Variants in CCSER1 observed in about 807,000 individuals in gnomAD.
CCSER1 encodes the protein serine-rich coiled-coil domain-containing protein 1.
In CCSER1, 41 loss-of-function variants were observed where a neutral mutation model predicts 82.0. The observed-to-expected ratio is 0.50, with a 90% CI of 0.39 to 0.65. The LOEUF (loss-of-function observed/expected upper bound fraction) is 0.65. Ranked by LOEUF, CCSER1 falls within the 30% of genes least tolerant of loss-of-function variation. CCSER1 has a pLI of 0.00. For missense variants in CCSER1, 1,119 were observed against 1,064.2 expected (o/e 1.05, Z -0.72); for synonymous variants, 414 against 383.9 (o/e 1.08, Z -0.92).
intron 10 of CCSER1, among the ~76,000 whole-genome samples, chr4:91,441,675 C>G (rs967789877): frequency 6.6e-6 from 1 of 152,112 alleles, no homozygotes; most frequent in African/African-American, 2.4e-5. Flanking sequence ...AAGAGGAAGT[C>G]AAATTGTCCC....
intron 10 of CCSER1, among the ~76,000 whole-genome samples, chr4:91,502,557 C>T (rs1759265490): frequency 6.6e-6 from 1 of 152,078 alleles, no homozygotes; most frequent in African/African-American, 2.4e-5. Context: ...CATTACCACC[C>T]CCTGGTGGAG....
chr4:91,318,954 C>T (rs558259567), intron 10 of CCSER1: 34 of 154,720 alleles, frequency 2.2e-4, no homozygotes, highest in Middle Eastern at 2.1e-3. Context: ...GGTTCTGTCA[C>T]GCATGGTCTT....
intron 1 of CCSER1, among the ~76,000 whole-genome samples, chr4:90,296,100 G>A (rs906267743): frequency 5.9e-5 from 9 of 151,956 alleles, no homozygotes; most frequent in African/African-American, 2.2e-4. Context: ...CATTGCCACC[G>A]CTCAACAAAT....
At chr4:91,410,144 A>T (rs1752938577) in intron 10 of CCSER1, among the ~76,000 whole-genome samples, 1 of 152,166 alleles carries the variant, frequency 6.6e-6, no homozygotes, top group South Asian at 2.1e-4. Context: ...TATCAATATC[A>T]TGTCTATTTC....
At chr4:90,891,392 T>G (rs144372947) in intron 8 of CCSER1, among the ~76,000 whole-genome samples, 160 of 151,664 alleles carry the variant, frequency 1.1e-3, no homozygotes, top group African/African-American at 3.8e-3. Context: ...AAACAATGTT[T>G]TAAAAATACT....
chr4:90,784,611 A>G (rs959224490), intron 7 of CCSER1, among the ~76,000 whole-genome samples: 6 of 152,138 alleles, frequency 3.9e-5, no homozygotes, highest in Non-Finnish European at 2.9e-5. Flanking sequence ...CTACCTATCT[A>G]GTTTGTTATG....
intron 8 of CCSER1, among the ~76,000 whole-genome samples, chr4:90,864,843 A>G (rs62311158): frequency 0.15 from 23,526 of 152,066 alleles, 2,334 homozygotes; most frequent in Non-Finnish European, 0.22. Flanking sequence ...TGCTATGTCT[A>G]GCATTCTTGT....
At chr4:90,652,147 G>C (rs888110469) in intron 6 of CCSER1, among the ~76,000 whole-genome samples, 1 of 151,970 alleles carries the variant, frequency 6.6e-6, no homozygotes, top group African/African-American at 2.4e-5. Flanking sequence ...ATTTTTTCCT[G>C]TAGCAATTTA....
chr4:90,503,332 G>A (rs1176641815), intron 5 of CCSER1, among the ~76,000 whole-genome samples: 1 of 152,102 alleles, frequency 6.6e-6, no homozygotes, highest in Non-Finnish European at 1.5e-5. Flanking sequence ...ATTTCTTGTG[G>A]TCTTACTATA....
intron 10 of CCSER1, among the ~76,000 whole-genome samples, chr4:91,561,735 G>A (rs1035857783): frequency 6.6e-6 from 1 of 151,230 alleles, no homozygotes; most frequent in Non-Finnish European, 1.5e-5. Flanking sequence ...AATCAAAAAT[G>A]GATTTAAACT....
chr4:90,785,779 A>G (rs1754432669), intron 7 of CCSER1, among the ~76,000 whole-genome samples: 1 of 152,138 alleles, frequency 6.6e-6, no homozygotes, highest in African/African-American at 2.4e-5. Context: ...CATCTTTTTG[A>G]ACTGTGACTG....
At chr4:91,368,716 AC>A (rs1383036280) in intron 10 of CCSER1, among the ~76,000 whole-genome samples, 2 of 151,554 alleles carry the variant, frequency 1.3e-5, no homozygotes, top group Middle Eastern at 3.4e-3. Flanking sequence ...AATTTCATTT[AC>A]TTTAATCAGT....
intron 10 of CCSER1, among the ~76,000 whole-genome samples, chr4:91,487,962 A>G (rs1014765369): frequency 7.2e-5 from 11 of 152,080 alleles, no homozygotes; most frequent in Non-Finnish European, 1.3e-4. Context: ...GTTAAATTAT[A>G]TAAGACAAAA....
chr4:90,478,731 CTTT>C lies in CCSER1; in HGVS notation c.1724+10393_1724+10395del, dbSNP rs59376887. 2.1e-4 allele frequency among the ~76,000 whole-genome samples: 28 copies of C among 133,222 alleles called. No individual in the cohort carries two copies. The East Asian group carries it at 3.5e-3, about 17-fold the overall frequency. The allele number at this position is 133,222 out of a possible 152,430, so 87.4% of individuals were successfully genotyped here. On this transcript the variant is annotated intron_variant, in intron 5 of 10. Transcript: ENST00000509176. ...AGAATAAATTGTACTTTCTTTCTTT[CTTT>C]TTTTTTTTTTTTTTTATTTTTTTGG...
intron 10 of CCSER1, among the ~76,000 whole-genome samples, chr4:91,422,270 T>G (rs1015862863): frequency 1.3e-5 from 2 of 152,168 alleles, no homozygotes; most frequent in Non-Finnish European, 2.9e-5. Flanking sequence ...TGAATATCTT[T>G]GCTCCTCCCT....
intron 10 of CCSER1, among the ~76,000 whole-genome samples, chr4:91,371,183 G>A (rs1750018037): frequency 6.6e-6 from 1 of 152,036 alleles, no homozygotes; most frequent in Non-Finnish European, 1.5e-5. Flanking sequence ...ATTTTTTAAT[G>A]TGCAATAAAT....
chr4:90,474,375 G>A (rs1220155457), intron 5 of CCSER1, among the ~76,000 whole-genome samples: 3 of 152,130 alleles, frequency 2.0e-5, no homozygotes, highest in African/African-American at 4.8e-5. Flanking sequence ...AGGAAGGCTC[G>A]TGGGAGGAAA....
At chr4:90,988,354 A>T (rs868843775) in intron 9 of CCSER1, among the ~76,000 whole-genome samples, 23 of 137,440 alleles carry the variant, frequency 1.7e-4, no homozygotes, top group African/African-American at 5.8e-4. Context: ...AAAAAAAAAA[A>T]AAAAAAAAAG....
At chr4:91,505,869 G>A (rs547379043) in intron 10 of CCSER1, among the ~76,000 whole-genome samples, 1 of 152,168 alleles carries the variant, frequency 6.6e-6, no homozygotes, top group South Asian at 2.1e-4. Context: ...ATTGCAGAAA[G>A]TTTCTCCCAT....
Sources: gnomAD v4.1 joint callset for allele counts (sites outside exome capture counted in the v4.1 genomes callset) on GRCh38, gnomAD v4.1.1 for gene constraint, MANE v1.5 for transcripts, NCBI Gene and HGNC (gene_info 2026-07-23, HGNC 2026-07-21) for gene names.